The following KCNIP4 variants were observed in gnomAD, a reference collection of about 807,000 sequenced individuals.
KCNIP4 encodes the protein Kv channel-interacting protein 4.
Under a neutral mutation model 34.0 loss-of-function variants are expected in KCNIP4, and 12 were observed. The observed-to-expected ratio is 0.35, with a 90% confidence interval of 0.23 to 0.57. The LOEUF (loss-of-function observed/expected upper bound fraction) is 0.57. Ranked by LOEUF, KCNIP4 falls within the 20% of genes least tolerant of loss-of-function variation. The probability of loss-of-function intolerance (pLI) is 0.83; values close to 1 mark genes in which losing one functional copy is unlikely to be tolerated. For synonymous variants in KCNIP4, 124 were observed against 102.2 expected, an observed-to-expected ratio of 1.21 and a Z score of -1.29; for missense variants, 238 against 311.7, an observed-to-expected ratio of 0.76 and a Z score of 1.78.
intron 1 of KCNIP4, among the ~76,000 whole-genome samples, chr4:21,063,859 T>C (rs1223758127): frequency 6.6e-6 from 1 of 152,062 alleles, no homozygotes; most frequent in African/African-American, 2.4e-5. Flanking sequence ...CTTAATCAAA[T>C]GACTCAAGTT....
intron 1 of KCNIP4, among the ~76,000 whole-genome samples, chr4:21,130,083 C>T (rs187518731): frequency 8.1e-4 from 123 of 152,166 alleles, no homozygotes; most frequent in African/African-American, 2.7e-3. Context: ...CTTGGCCTTC[C>T]ATTCCCTGAT....
At chr4:20,898,307 T>TCC (rs2149547718) in intron 1 of KCNIP4, among the ~76,000 whole-genome samples, 1 of 152,304 alleles carries the variant, frequency 6.6e-6, no homozygotes, top group South Asian at 2.1e-4. Context: ...CTCTTTCTGT[T>TCC]TCTCTCTTTG....
chr4:21,781,575 C>T (rs1218203424), intron 1 of KCNIP4, among the ~76,000 whole-genome samples: 2 of 151,710 alleles, frequency 1.3e-5, no homozygotes, highest in Non-Finnish European at 2.9e-5. Context: ...CAAAAGAATG[C>T]CAGAGGAAGT....
intron 1 of KCNIP4, among the ~76,000 whole-genome samples, chr4:21,000,883 A>G (rs1738071060): frequency 6.6e-6 from 1 of 152,198 alleles, no homozygotes; most frequent in African/African-American, 2.4e-5. Context: ...AGACCTTAGT[A>G]AGTACAGCAG....
chr4:21,801,481 A>G (rs115161243), intron 1 of KCNIP4, among the ~76,000 whole-genome samples: 1,724 of 152,284 alleles, frequency 0.011, 35 homozygotes, highest in African/African-American at 0.039. Context: ...TTTGGGACAC[A>G]CAAGTCATGA....
chr4:21,539,422 G>A (rs904904979), intron 1 of KCNIP4, among the ~76,000 whole-genome samples: 1 of 152,176 alleles, frequency 6.6e-6, no homozygotes, highest in Non-Finnish European at 1.5e-5. Context: ...AGGGAGAAAG[G>A]GAGGGTGGGA....
At chr4:21,946,142 T>C (rs1272949866) in intron 1 of KCNIP4, among the ~76,000 whole-genome samples, 1 of 151,872 alleles carries the variant, frequency 6.6e-6, no homozygotes, top group African/African-American at 2.4e-5. Flanking sequence ...TTTCCATTCA[T>C]GTAGTTTCAT....
At chr4:20,910,477 A>G (rs906639723) in intron 1 of KCNIP4, among the ~76,000 whole-genome samples, 1 of 152,154 alleles carries the variant, frequency 6.6e-6, no homozygotes, top group Non-Finnish European at 1.5e-5. Flanking sequence ...CCACTCCAGG[A>G]TGAGGAAAGT....
At chr4:21,058,127 T>C (rs551599560) in intron 1 of KCNIP4, among the ~76,000 whole-genome samples, 1 of 152,214 alleles carries the variant, frequency 6.6e-6, no homozygotes, top group East Asian at 1.9e-4. Context: ...AAAACCTATC[T>C]AGATATTTTG....
At chr4:21,064,361 A>G (rs1055447936) in intron 1 of KCNIP4, among the ~76,000 whole-genome samples, 1 of 152,084 alleles carries the variant, frequency 6.6e-6, no homozygotes, top group Non-Finnish European at 1.5e-5. Context: ...TTATTGCTCA[A>G]TAAAAATAGT....
intron 1 of KCNIP4, among the ~76,000 whole-genome samples, chr4:20,982,310 C>T (rs1444798669): frequency 2.0e-5 from 3 of 152,074 alleles, no homozygotes; most frequent in South Asian, 2.1e-4. Flanking sequence ...AGAACCAAAA[C>T]GTGGTGACAA....
intron 1 of KCNIP4, among the ~76,000 whole-genome samples, chr4:21,867,462 G>A (rs1725502875): frequency 6.6e-6 from 1 of 152,172 alleles, no homozygotes; most frequent in South Asian, 2.1e-4. Flanking sequence ...TGTCTCTGGA[G>A]TCCAAAACGT....
chr4:21,903,460 A>T (rs2108971066), intron 1 of KCNIP4, among the ~76,000 whole-genome samples: 1 of 152,282 alleles, frequency 6.6e-6, no homozygotes, highest in African/African-American at 2.4e-5. Context: ...TGCAGAAAAG[A>T]CTGAATGAAG....
At chr4:21,084,065 C>A (rs1344249412) in intron 1 of KCNIP4, among the ~76,000 whole-genome samples, 1 of 151,876 alleles carries the variant, frequency 6.6e-6, no homozygotes, top group Non-Finnish European at 1.5e-5. Flanking sequence ...TTGAGCAAAT[C>A]AACCTGCTTC....
chr4:21,041,120 G>A (rs1053308489), intron 1 of KCNIP4, among the ~76,000 whole-genome samples: 3 of 151,940 alleles, frequency 2.0e-5, no homozygotes, highest in Non-Finnish European at 4.4e-5. Flanking sequence ...ATGAATATCT[G>A]CAGATATTAA....
At chr4:21,253,489 T>C (rs551695359) in intron 1 of KCNIP4, among the ~76,000 whole-genome samples, 2 of 152,348 alleles carry the variant, frequency 1.3e-5, no homozygotes, top group Non-Finnish European at 2.9e-5. Context: ...AAATTACAGC[T>C]GTTTCTACTG....
intron 1 of KCNIP4, among the ~76,000 whole-genome samples, chr4:21,243,685 A>G (rs1363496638): frequency 2.0e-5 from 3 of 152,208 alleles, no homozygotes; most frequent in Non-Finnish European, 4.4e-5. Context: ...AGGAAACAAC[A>G]CATAACCAAA....
intron 1 of KCNIP4, among the ~76,000 whole-genome samples, chr4:21,229,362 C>T (rs1210828860): frequency 6.6e-6 from 1 of 152,138 alleles, no homozygotes; most frequent in Non-Finnish European, 1.5e-5. Context: ...GATTGTCTGT[C>T]TTCAGCTATG....
intron 1 of KCNIP4, among the ~76,000 whole-genome samples, chr4:21,327,806 T>C (rs896119169): frequency 1.3e-5 from 2 of 151,964 alleles, no homozygotes; most frequent in African/African-American, 4.8e-5. Context: ...CACTAATTCT[T>C]TCTTCTGCTT....
Sources: gnomAD v4.1 joint callset for allele counts (sites outside exome capture counted in the v4.1 genomes callset) on GRCh38, gnomAD v4.1.1 for gene constraint, MANE v1.5 for transcripts, NCBI Gene and HGNC (gene_info 2026-07-23, HGNC 2026-07-21) for gene names.